Variants in PDIA4 observed in about 807,000 individuals in gnomAD.
PDIA4 encodes the protein protein disulfide isomerase family A member 4.
In PDIA4, 33 loss-of-function variants were observed where a neutral mutation model predicts 62.1. The observed-to-expected ratio is 0.53, with a 90% confidence interval of 0.40 to 0.71. The LOEUF is 0.71. Ranked by LOEUF, PDIA4 falls within the 30% of genes least tolerant of loss-of-function variation. The probability of loss-of-function intolerance (pLI) is 0.00; values close to 1 mark genes in which losing one functional copy is unlikely to be tolerated. For missense variants in PDIA4, 804 were observed against 813.6 expected (o/e 0.99, Z 0.14); for synonymous variants, 341 against 324.1 (o/e 1.05, Z -0.56).
Position 149,005,253 on chromosome 7 carries a change from A to T in PDIA4, c.1410T>A (p.Ser470Arg). 8 of 1,613,374 alleles carry T rather than the reference A, an allele frequency of 5.0e-6. No individual in the cohort carries two copies. Among genetic ancestry groups the T allele is most frequent in the Non-Finnish European group, 6.8e-6 (8 of 1,179,794 alleles). ...GEVKDLGLSE[S>R]GEDVNAAILD... is the part of the protein sequence containing the mutation. ...GGATGGCGGCATTGACATCCTCCCC[A>T]CTCTCGCTGAGCCCCAGGTCCTTCA... Residue 470 changes from serine to arginine, a missense_variant, in exon 9 of 10, where the codon AGT becomes AGA. Physicochemically the swap from Ser to Arg is moderately radical, Grantham distance 110. Coordinates refer to ENST00000652332, the MANE Select transcript of PDIA4 (RefSeq NM_004911.5).
Position 149,028,132 on chromosome 7 carries a change from C to CCTGCCA in PDIA4, c.88+183_88+188dup, listed in dbSNP as rs1260769447. 2.0e-4 allele frequency: 122 copies of CCTGCCA among 596,788 alleles called. No homozygotes were observed. In the African/African-American group the frequency reaches 2.1e-3, roughly 10 times the overall value. The allele number at this position is 596,788 out of a possible 1,614,324, so 37.0% of individuals were successfully genotyped here. On this transcript the variant is annotated intron_variant, in intron 1 of 9. Coordinates refer to ENST00000652332, the MANE Select transcript of PDIA4 (RefSeq NM_004911.5). ...CCTCTCCCGGGAACCCCAAATCGAT[C>CCTGCCA]CTGCCACTGCCACAGCCACCGCCCC...
chr7:149,012,149 C>A lies in PDIA4; in HGVS notation c.820+6G>T, dbSNP rs781689302. The A allele has an allele frequency of 6.2e-7, 1 of 1,613,804 alleles. No individual in the cohort carries two copies. The highest frequency in any genetic ancestry group is 8.5e-7 in the Non-Finnish European group (1 of 1,179,828). ...ACTGTAGTGGGAGAGAAGGGAGTGG[C>A]CATACCATATTTTTCTCGTGGGCCG... is the stretch of plus-strand genomic sequence containing the variant. On this transcript the variant is annotated splice_donor_region_variant and intron_variant, in intron 5 of 9. Coordinates refer to ENST00000652332, the MANE Select transcript of PDIA4 (RefSeq NM_004911.5).
chr7:149,028,384 G>A lies in PDIA4; in HGVS notation c.25C>T (p.Leu9Phe), dbSNP rs947820050. 1.1e-5 allele frequency: 16 copies of A among 1,523,546 alleles called. No individual in the cohort carries two copies. The highest frequency in any genetic ancestry group is 1.4e-5 in the Non-Finnish European group (16 of 1,136,364). The allele number at this position is 1,523,546 out of a possible 1,614,324, so 94.4% of individuals were successfully genotyped here. A position where few individuals can be genotyped will look rare whatever the true frequency, so the allele number is the denominator to read the frequency against. Reference protein sequence around the residue: MRPRKAFLLLLLLGLVQLL... With the variant: MRPRKAFLFLLLLGLVQLL... ...TGCACCAGCCCCAAGAGCAGCAGGA[G>A]CAGGAAGGCTTTCCGGGGCCTCATG... is the stretch of plus-strand genomic sequence containing the variant. Residue 9 changes from leucine (L) to phenylalanine (F), a missense_variant, in exon 1 of 10, where the codon CTC becomes TTC. Leu to Phe is a conservative substitution (Grantham distance 22). Coordinates refer to ENST00000652332, the MANE Select transcript of PDIA4 (RefSeq NM_004911.5).
chr7:149,028,467 T>C lies in PDIA4; in HGVS notation c.-59A>G. On this transcript the variant is annotated 5_prime_UTR_variant, in exon 1 of 10. Transcript: ENST00000652332. ...GGCGGCCGCTGAGCGCACCGAGAAC[T>C]CGGGGTCTGGCCGACAGCCCGTCGC... 1 of 1,225,566 alleles carries C rather than the reference T, an allele frequency of 8.2e-7. No individual in the cohort carries two copies. The highest frequency in any genetic ancestry group is 1.1e-6 in the Non-Finnish European group (1 of 914,082). The allele number at this position is 1,225,566 out of a possible 1,614,324, so 75.9% of individuals were successfully genotyped here.
At chr7:149,018,202 C>G (rs185176584) in intron 3 of PDIA4, among the ~76,000 whole-genome samples, 7 of 151,854 alleles carry the variant, frequency 4.6e-5, no homozygotes, top group African/African-American at 1.4e-4. Flanking sequence ...GCACTCCAGC[C>G]TGGGCAACAG....
rs577620347 is a variant in PDIA4 at position 149,008,270 on chromosome 7, G to A, written c.1020C>T (p.Phe340=). 6.8e-6 allele frequency: 11 copies of A among 1,613,926 alleles called. No homozygotes were observed. Among genetic ancestry groups the A allele is most frequent in the Non-Finnish European group, 9.3e-6 (11 of 1,179,894 alleles). ...TCAAGAACTTTGCTATTTCTGTGCT[G>A]AAAGTGTGGTGAAATTTGTAATCTT... The part of the protein sequence containing the change: ...LREDYKFHHT[F]STEIAKFLKV... Residue 340 remains phenylalanine, a synonymous_variant, in exon 7 of 10, where the codon TTC becomes TTT. Coordinates refer to ENST00000652332, the MANE Select transcript of PDIA4 (RefSeq NM_004911.5).
At chr7:149,005,432 ACT>A in intron 8 of PDIA4, 58 bp from the exon 9 acceptor site, 1 of 1,109,216 alleles carries the variant, frequency 9.0e-7, no homozygotes, top group Admixed American at 1.7e-5. Context: ...CCCAGCTCAG[ACT>A]CTGAGGTCAG....
intron 3 of PDIA4, among the ~76,000 whole-genome samples, chr7:149,017,448 G>A (rs1187014861): frequency 6.6e-6 from 1 of 152,112 alleles, no homozygotes; most frequent in African/African-American, 2.4e-5. Flanking sequence ...GCCGGGCGTG[G>A]TGGTGTGTCC....
At chr7:149,027,946 A>G in intron 1 of PDIA4, 1 of 498,970 alleles carries the variant, frequency 2.0e-6, no homozygotes, top group Non-Finnish European at 4.1e-6. Flanking sequence ...CTCCCTTCCC[A>G]CTGCCTGGGC....
intron 2 of PDIA4, among the ~76,000 whole-genome samples, chr7:149,020,681 C>A (rs946855762): frequency 6.6e-6 from 1 of 152,158 alleles, no homozygotes; most frequent in African/African-American, 2.4e-5. Flanking sequence ...GTGTCATTGC[C>A]GCTTGTTAAA....
Position 149,005,358 on chromosome 7 carries a change from C to T in PDIA4, c.1305G>A (p.Arg435=). 1 of 1,613,896 alleles carries T rather than the reference C, an allele frequency of 6.2e-7. No individual in the cohort carries two copies. The highest frequency in any genetic ancestry group is 8.5e-7 in the Non-Finnish European group (1 of 1,179,770). Residue 435 remains arginine (R), a synonymous_variant, in exon 9 of 10, where the codon CGG becomes CGA. Coordinates refer to ENST00000652332, the MANE Select transcript of PDIA4 (RefSeq NM_004911.5). ...CCTTGGCCACCTCTAGGACTTTGCT[C>T]CGCCAAAACTGAGTTGCTGAAAGGG... The part of the protein sequence containing the change: ...FDYRAATQFW[R]SKVLEVAKDF...
chr7:149,026,661 T>G (rs1389968710), intron 1 of PDIA4, among the ~76,000 whole-genome samples: 21 of 150,836 alleles, frequency 1.4e-4, no homozygotes, highest in Admixed American at 1.3e-3. Context: ...CAGCCAGGCG[T>G]GTTGGCAAGC....
intron 3 of PDIA4, among the ~76,000 whole-genome samples, chr7:149,017,571 C>A (rs533497835): frequency 3.3e-5 from 5 of 151,266 alleles, no homozygotes; most frequent in African/African-American, 1.2e-4. Flanking sequence ...GCCACAGAAG[C>A]AAAACTCCGT....
rs765792160 is a variant in PDIA4, at chr7:149,021,216, C to T, written c.89-69G>A. ...TCTCCTTAAAACTTTCCTGGCCGGG[C>T]GCGGTGGCTCACACTTGTAATCCCA... On this transcript the variant is annotated intron_variant, in intron 1 of 9. Transcript: ENST00000652332. The T allele has an allele frequency of 2.1e-4, 314 of 1,497,952 alleles. 1 individual carries two copies. The highest frequency in any genetic ancestry group is 1.5e-3 in the Admixed American group (75 of 48,822). The allele number at this position is 1,497,952 out of a possible 1,614,324, so 92.8% of individuals were successfully genotyped here. A position where few individuals can be genotyped will look rare whatever the true frequency, so the allele number is the denominator to read the frequency against.
At chr7:149,025,187 T>C (rs1824510014) in intron 1 of PDIA4, among the ~76,000 whole-genome samples, 1 of 151,490 alleles carries the variant, frequency 6.6e-6, no homozygotes, top group African/African-American at 2.4e-5. Context: ...CAAGTTCATC[T>C]CCACATTGCT....
intron 4 of PDIA4, among the ~76,000 whole-genome samples, chr7:149,013,755 G>A (rs762145016): frequency 8.5e-5 from 13 of 152,098 alleles, no homozygotes; most frequent in Non-Finnish European, 7.4e-5. Flanking sequence ...CCAAAAAACT[G>A]TTTGTGAATA....
chr7:149,021,758 C>T (rs1055096155), intron 1 of PDIA4, among the ~76,000 whole-genome samples: 2 of 152,154 alleles, frequency 1.3e-5, no homozygotes, highest in Non-Finnish European at 2.9e-5. Context: ...TCCAGAGTCG[C>T]GGCCCCCTGC....
intron 1 of PDIA4, among the ~76,000 whole-genome samples, chr7:149,025,434 T>C (rs1824517252): frequency 3.3e-5 from 5 of 152,190 alleles, no homozygotes; most frequent in Admixed American, 2.6e-4. Flanking sequence ...CTGAAGAGTT[T>C]GTATTAAACA....
intron 1 of PDIA4, among the ~76,000 whole-genome samples, chr7:149,026,615 C>T (rs1363822588): frequency 1.3e-5 from 2 of 151,638 alleles, no homozygotes; most frequent in African/African-American, 4.9e-5. Context: ...CGCGTCACTG[C>T]ACTCCAGCCT....
Sources: allele counts gnomAD v4.1 joint callset (sites outside exome capture counted in the v4.1 genomes callset), GRCh38; gene constraint gnomAD v4.1.1; transcripts MANE v1.5; gene names NCBI Gene and HGNC (gene_info 2026-07-23, HGNC 2026-07-21).